Variants in SSPN observed in about 807,000 individuals in gnomAD.
SSPN encodes the protein K-ras oncogene-associated protein.
Under a neutral mutation model 19.1 loss-of-function variants are expected in SSPN, and 15 were observed. The observed-to-expected ratio is 0.78, with a 90% CI of 0.52 to 1.21. The LOEUF is 1.21. Among genes scored for constraint, SSPN ranks in the 50% most tolerant of loss-of-function variants. SSPN has a pLI of 0.00. For missense variants in SSPN, 291 were observed against 314.0 expected (o/e 0.93, Z 0.55); for synonymous variants, 147 against 140.3 (o/e 1.05, Z -0.34).
intron 1 of SSPN, among the ~76,000 whole-genome samples, chr12:26,156,010 T>C (rs964911426): frequency 4.6e-5 from 7 of 151,986 alleles, no homozygotes; most frequent in Admixed American, 6.6e-5. Context: ...TGGGAGGGGA[T>C]TGAGAAAGAA....
intron 1 of SSPN, among the ~76,000 whole-genome samples, chr12:26,223,556 G>A (rs796356448): frequency 3.9e-5 from 6 of 152,330 alleles, no homozygotes; most frequent in African/African-American, 1.4e-4. Context: ...TGTTCTTTCA[G>A]CACATTCTTT....
At chr12:26,208,665 T>C (rs1338107509) in intron 1 of SSPN, among the ~76,000 whole-genome samples, 1 of 152,132 alleles carries the variant, frequency 6.6e-6, no homozygotes, top group Non-Finnish European at 1.5e-5. Context: ...TAAAAATATT[T>C]TTCTATACCA....
chr12:26,180,658 C>CCTT (rs1555178130), intron 1 of SSPN: 2 of 152,140 alleles, frequency 1.3e-5, no homozygotes, highest in Non-Finnish European at 2.9e-5. Flanking sequence ...GTTTTTTAGT[C>CCTT]AAGAGATATA....
At chr12:26,201,275 G>T (rs1003198704) in intron 1 of SSPN, among the ~76,000 whole-genome samples, 7 of 151,250 alleles carry the variant, frequency 4.6e-5, no homozygotes, top group African/African-American at 1.7e-4. Flanking sequence ...CTACTCGGGA[G>T]GCTGAGGTGG....
chr12:26,147,321 G>A (rs1165903114), intron 1 of SSPN, among the ~76,000 whole-genome samples: 1 of 149,914 alleles, frequency 6.7e-6, no homozygotes, highest in Non-Finnish European at 1.5e-5. Context: ...AGCCTAGGCT[G>A]TAGTACAATG....
Position 26,149,898 on chromosome 12 carries a change from T to TG in SSPN, c.-31+27747dup, listed in dbSNP as rs574889621. Among the ~76,000 whole-genome samples, 19 of 152,318 alleles carry TG rather than the reference T, an allele frequency of 1.2e-4. No homozygotes were observed. The East Asian group carries it at 2.9e-3, about 23-fold the overall frequency. On this transcript the variant is annotated intron_variant, in intron 1 of 2. Transcript: ENST00000538142. ...TTTTTTAGAGCCTTTAAGTGAACCA[T>TG]GATGCACCTGAAATTTTTAAGGAGA... is the stretch of plus-strand genomic sequence containing the variant.
chr12:26,171,627 T>A, intron 1 of SSPN, among the ~76,000 whole-genome samples: 1 of 61,088 alleles, frequency 1.6e-5, no homozygotes, highest in Non-Finnish European at 2.8e-5. Context: ...TTTCCCTATT[T>A]TTTTTTTTGT....
chr12:26,225,611 T>C (rs1040213746), intron 2 of SSPN, among the ~76,000 whole-genome samples: 2 of 152,072 alleles, frequency 1.3e-5, no homozygotes, highest in South Asian at 4.1e-4. Flanking sequence ...AGAATTTTGG[T>C]GGATATGCCT....
intron 1 of SSPN, among the ~76,000 whole-genome samples, chr12:26,203,369 CT>C (rs1189739717): frequency 6.6e-6 from 1 of 152,184 alleles, no homozygotes; most frequent in African/African-American, 2.4e-5. Flanking sequence ...ATAGTTTAAC[CT>C]TCCAGTTATT....
At chr12:26,166,576 C>T (rs374642416) in intron 1 of SSPN, among the ~76,000 whole-genome samples, 13 of 152,280 alleles carry the variant, frequency 8.5e-5, no homozygotes, top group Middle Eastern at 3.4e-3. Context: ...GTGGTTTTTA[C>T]GTTTTTAAAT....
chr12:26,159,680 T>G (rs550385597), intron 1 of SSPN, among the ~76,000 whole-genome samples: 2 of 152,176 alleles, frequency 1.3e-5, no homozygotes, highest in Non-Finnish European at 2.9e-5. Flanking sequence ...AATGCAGGAA[T>G]AGGTATGATT....
chr12:26,125,474 C>T, intron 1 of SSPN: 1 of 156,232 alleles, frequency 6.4e-6, no homozygotes, highest in Admixed American at 6.2e-5. Context: ...AACTTGAGTC[C>T]CAAAGGAAAT....
intron 1 of SSPN, among the ~76,000 whole-genome samples, chr12:26,219,054 G>A (rs936911310): frequency 1.3e-5 from 2 of 152,118 alleles, no homozygotes; most frequent in African/African-American, 4.8e-5. Flanking sequence ...CAGAAATAGA[G>A]TCCCATTGCA....
chr12:26,232,215 A>C lies in SSPN; in HGVS notation c.*1139A>C. 2 of 985,458 alleles carry C rather than the reference A, an allele frequency of 2.0e-6. No homozygotes were observed. Among genetic ancestry groups the C allele is most frequent in the Non-Finnish European group, 2.4e-6 (2 of 829,934 alleles). 61.0% of individuals were successfully genotyped at this position (985,458 alleles called of 1,614,324 possible). ...TATTTGATACATAATCCTATTATTA[A>C]TTCGTATGCTTAGTCAACCTAGGAA... On this transcript the variant is annotated 3_prime_UTR_variant, in exon 3 of 3. Coordinates refer to ENST00000242729, the MANE Select transcript of SSPN (RefSeq NM_005086.5).
rs1274774155 is a variant in SSPN at position 26,216,830 on chromosome 12, G to C, written c.280-7463G>C. Among the ~76,000 whole-genome samples, 96 of 120,572 alleles carry C rather than the reference G, an allele frequency of 8.0e-4. 1 individual carries two copies. The highest frequency in any genetic ancestry group is 3.0e-3 in the African/African-American group (94 of 31,772). 79.1% of individuals were successfully genotyped at this position (120,572 alleles called of 152,430 possible). On this transcript the variant is annotated intron_variant, in intron 1 of 2. Coordinates refer to ENST00000242729, the MANE Select transcript of SSPN (RefSeq NM_005086.5). ...TTCCCAGCACCATTTATTAAATAGG[G>C]AATCCTTTCCCCATTGCTTGTTTTT...
chr12:26,154,147 G>T (rs1944542767), intron 1 of SSPN, among the ~76,000 whole-genome samples: 1 of 152,168 alleles, frequency 6.6e-6, no homozygotes, highest in Admixed American at 6.5e-5. Context: ...GCTCAAAAAG[G>T]TACTATGAAA....
chr12:26,150,480 A>T (rs1365603636), intron 1 of SSPN, among the ~76,000 whole-genome samples: 4 of 152,146 alleles, frequency 2.6e-5, no homozygotes, highest in Non-Finnish European at 5.9e-5. Flanking sequence ...GAATGACTAC[A>T]TTGTTTCTTT....
In SSPN at chr12:26,216,046, T is replaced by G. The variant is rs1486961136; in HGVS notation, c.280-8247T>G. Among the ~76,000 whole-genome samples the G allele has an allele frequency of 2.0e-5, 3 of 152,218 alleles. No individual in the cohort carries two copies. The South Asian group carries it at 6.2e-4, about 31-fold the overall frequency. ...TGAGATGATTAAATGCAAGAATACA[T>G]GTCAAGTGTTCAGCACGGGGCTTAA... On this transcript the variant is annotated intron_variant, in intron 1 of 2. Coordinates refer to ENST00000242729, the MANE Select transcript of SSPN (RefSeq NM_005086.5).
chr12:26,174,389 A>G (rs1286855884), intron 1 of SSPN, among the ~76,000 whole-genome samples: 1 of 151,988 alleles, frequency 6.6e-6, no homozygotes, highest in Admixed American at 6.6e-5. Context: ...TTTAAAGTGT[A>G]AAGTTTGGTA....
Sources: allele counts gnomAD v4.1 joint callset (sites outside exome capture counted in the v4.1 genomes callset), GRCh38; gene constraint gnomAD v4.1.1; transcripts MANE v1.5; gene names NCBI Gene and HGNC (gene_info 2026-07-23, HGNC 2026-07-21).